SUFU: variants seen among roughly 807,000 people sequenced by gnomAD.
The protein encoded by SUFU is SUFU negative regulator of hedgehog signaling, also known as suppressor of fused homolog.
Under a neutral mutation model 58.9 loss-of-function variants are expected in SUFU, and 7 were observed. The ratio of observed to expected loss-of-function variants is 0.12; its 90% CI spans 0.07 to 0.22. The LOEUF is 0.22. SUFU is among the 10% of genes least tolerant of loss of function. The pLI is 1.00. For synonymous variants in SUFU, 232 were observed against 254.8 expected, an observed-to-expected ratio of 0.91 and a Z score of 0.85; for missense variants, 451 against 641.3, an observed-to-expected ratio of 0.70 and a Z score of 3.20.
intron 2 of SUFU, among the ~76,000 whole-genome samples, chr10:102,546,226 G>A (rs983693074): frequency 3.9e-5 from 6 of 152,152 alleles, no homozygotes; most frequent in East Asian, 1.9e-4. Context: ...GCCTTCCCCC[G>A]GACACCCCCG....
chr10:102,522,267 G>C (rs1247830851), intron 2 of SUFU, among the ~76,000 whole-genome samples: 1 of 152,186 alleles, frequency 6.6e-6, no homozygotes, highest in Non-Finnish European at 1.5e-5. Flanking sequence ...GGTAGTATAT[G>C]TATGAACTGT....
At position 102,597,283 on chromosome 10, in the gene SUFU, C is replaced by A; in HGVS notation, c.900C>A (p.Leu300=). ...GCATCGGCACACAGCCCCGGCGACTCTCTGGCAAAGGTGGGAGCCATCACT... is the reference window on the plus strand; with the variant it reads ...GCATCGGCACACAGCCCCGGCGACTATCTGGCAAAGGTGGGAGCCATCACT... ...SICIGTQPRR[L]SGKDTEQIRE... is the part of the protein sequence containing the mutation. Residue 300 remains leucine, a synonymous_variant, in exon 7 of 12, where the codon CTC becomes CTA. Coordinates refer to ENST00000369902, the MANE Select transcript of SUFU (RefSeq NM_016169.4). 6.2e-7 allele frequency: 1 copy of A among 1,613,254 alleles called. No homozygotes were observed. The highest frequency in any genetic ancestry group is 8.5e-7 in the Non-Finnish European group (1 of 1,179,770).
chr10:102,572,703 GT>G, intron 3 of SUFU: 3 of 664,216 alleles, frequency 4.5e-6, no homozygotes, highest in South Asian at 4.4e-5. Context: ...TTTTTTTGTT[GT>G]TGTTATGGTG....
At chr10:102,571,837 C>G (rs1324197691) in intron 3 of SUFU, among the ~76,000 whole-genome samples, 3 of 152,096 alleles carry the variant, frequency 2.0e-5, no homozygotes, top group Non-Finnish European at 4.4e-5. Flanking sequence ...CTTTTCTTTT[C>G]TTTTTTTTCC....
chr10:102,517,323 G>T (rs2135651389), intron 2 of SUFU, among the ~76,000 whole-genome samples: 1 of 152,116 alleles, frequency 6.6e-6, no homozygotes, highest in African/African-American at 2.4e-5. Flanking sequence ...CAAACAAAAA[G>T]AACAACTGAG....
rs546582624 is a variant in SUFU at position 102,529,705 on chromosome 10, G to A, written c.318-20265G>A. 4.0e-5 allele frequency among the ~76,000 whole-genome samples: 6 copies of A among 151,732 alleles called. No individual in the cohort carries two copies. In the South Asian group the frequency reaches 6.2e-4, roughly 16 times the overall value. ...TCTACTAAAAATACAAATATTAGCC[G>A]GGAGGCCAAGGCGGGCAGATCACAA... is the stretch of plus-strand genomic sequence containing the variant. On this transcript the variant is annotated intron_variant, in intron 2 of 11. Coordinates refer to ENST00000369902, the MANE Select transcript of SUFU (RefSeq NM_016169.4).
chr10:102,530,447 CTTTTTT>C (rs34892390), intron 2 of SUFU, among the ~76,000 whole-genome samples: 8 of 113,472 alleles, frequency 7.1e-5, no homozygotes, highest in Non-Finnish European at 3.5e-5. Context: ...TATTTTAAAT[CTTTTTT>C]TTTTTTTTTT....
chr10:102,621,822 G>A (rs548743162), intron 10 of SUFU, among the ~76,000 whole-genome samples: 150 of 152,340 alleles, frequency 9.8e-4, no homozygotes, highest in African/African-American at 3.3e-3. Flanking sequence ...TCATACCAAA[G>A]GGAAGGAGTG....
chr10:102,605,897 G>A (rs1483748353), intron 8 of SUFU, among the ~76,000 whole-genome samples: 1 of 152,180 alleles, frequency 6.6e-6, no homozygotes, highest in African/African-American at 2.4e-5. Flanking sequence ...CATCCCCAAG[G>A]AGAAGGCCCC....
At chr10:102,609,962 G>A (rs1343857412) in intron 8 of SUFU, among the ~76,000 whole-genome samples, 4 of 152,222 alleles carry the variant, frequency 2.6e-5, no homozygotes, top group African/African-American at 7.2e-5. Flanking sequence ...GGGAAAGAGC[G>A]AGTCCTGAGA....
At chr10:102,618,941 T>A in intron 10 of SUFU, 1 of 614,096 alleles carries the variant, frequency 1.6e-6, no homozygotes, top group Non-Finnish European at 3.0e-6. Context: ...CGTGTGTGTG[T>A]GTGTGTGTGT....
intron 3 of SUFU, among the ~76,000 whole-genome samples, chr10:102,571,194 G>A (rs2135802304): frequency 6.6e-6 from 1 of 152,292 alleles, no homozygotes; most frequent in South Asian, 2.1e-4. Flanking sequence ...CATTTTGGGT[G>A]ACTATTTGCA....
chr10:102,562,525 A>AAACAAC (rs753014326), intron 3 of SUFU, among the ~76,000 whole-genome samples: 13 of 151,620 alleles, frequency 8.6e-5, no homozygotes, highest in Admixed American at 3.3e-4. Flanking sequence ...TCTGTCTCAA[A>AAACAAC]AACAACAACA....
chr10:102,557,299 C>T (rs1171682495), intron 3 of SUFU, among the ~76,000 whole-genome samples: 1 of 151,440 alleles, frequency 6.6e-6, no homozygotes, highest in African/African-American at 2.4e-5. Flanking sequence ...ATAACAGGGC[C>T]AGGCGTGGTG....
chr10:102,564,529 C>T (rs1046587315), intron 3 of SUFU, among the ~76,000 whole-genome samples: 2 of 152,122 alleles, frequency 1.3e-5, no homozygotes, highest in African/African-American at 4.8e-5. Context: ...GATGAGGTTT[C>T]GCCATGTTGG....
At chr10:102,549,947 C>T (rs2135742859) in intron 2 of SUFU, 23 bp from the exon 3 acceptor site, 1 of 1,614,116 alleles carries the variant, frequency 6.2e-7, no homozygotes, top group Non-Finnish European at 8.5e-7. Context: ...GAGCTTAAAA[C>T]ACTTGCTTTT....
Position 102,532,929 on chromosome 10 carries a change from T to C in SUFU, c.318-17041T>C, listed in dbSNP as rs549783559. ...ATCGTTTCCATTTTGGGAACAACAC[T>C]GAACAGCAGGAGGCAGGAGATCAGT... On this transcript the variant is annotated intron_variant, in intron 2 of 11. Transcript: ENST00000369902. Among the ~76,000 whole-genome samples the C allele has an allele frequency of 2.1e-4, 32 of 152,222 alleles. No homozygotes were observed. The South Asian group carries it at 6.4e-3, about 31-fold the overall frequency.
intron 8 of SUFU, among the ~76,000 whole-genome samples, chr10:102,603,842 C>A (rs991383601): frequency 5.9e-5 from 9 of 152,168 alleles, no homozygotes; most frequent in Non-Finnish European, 1.2e-4. Flanking sequence ...TACCTTGTAA[C>A]CTGGCCAGGG....
At chr10:102,588,915 T>C (rs2063364559) in intron 3 of SUFU, among the ~76,000 whole-genome samples, 1 of 152,156 alleles carries the variant, frequency 6.6e-6, no homozygotes, top group Admixed American at 6.6e-5. Flanking sequence ...TTTATTTTGT[T>C]TATTTATTTA....
Sources: gnomAD v4.1 joint callset for allele counts (sites outside exome capture counted in the v4.1 genomes callset) on GRCh38, gnomAD v4.1.1 for gene constraint, MANE v1.5 for transcripts, NCBI Gene and HGNC (gene_info 2026-07-23, HGNC 2026-07-21) for gene names.